The following ZNF385B variants were observed in gnomAD, a reference collection of about 807,000 sequenced individuals.
ZNF385B encodes the protein zinc finger protein 385B.
ZNF385B carries 23 observed loss-of-function variants against 39.2 expected under a neutral mutation model. The observed-to-expected ratio is 0.59, with a 90% CI of 0.42 to 0.83. The LOEUF is 0.83. Among genes scored for constraint, ZNF385B ranks in the 40% least tolerant of loss-of-function variants. The probability of loss-of-function intolerance (pLI) is 0.00; values close to 1 mark genes in which losing one functional copy is unlikely to be tolerated. For synonymous variants in ZNF385B, 205 were observed against 222.6 expected, an observed-to-expected ratio of 0.92 and a Z score of 0.70; for missense variants, 552 against 598.9, an observed-to-expected ratio of 0.92 and a Z score of 0.82.
intron 1 of ZNF385B, among the ~76,000 whole-genome samples, chr2:179,774,549 C>G (rs4893881): frequency 0.39 from 58,439 of 151,648 alleles, 11,531 homozygotes; most frequent in East Asian, 0.59. Flanking sequence ...TTAGTAGAGA[C>G]AGGGTTTCAA....
At chr2:179,652,758 A>G (rs1693309562) in intron 3 of ZNF385B, among the ~76,000 whole-genome samples, 1 of 152,048 alleles carries the variant, frequency 6.6e-6, no homozygotes, top group East Asian at 1.9e-4. Flanking sequence ...TGAATGAATG[A>G]ATGACAACGA....
intron 4 of ZNF385B, among the ~76,000 whole-genome samples, chr2:179,525,663 CGTT>C (rs568531205): frequency 2.0e-3 from 310 of 152,266 alleles, no homozygotes; most frequent in Middle Eastern, 0.01. Flanking sequence ...TTATCAGTAT[CGTT>C]ATTATTATTA....
intron 3 of ZNF385B, among the ~76,000 whole-genome samples, chr2:179,729,593 C>T (rs111325653): frequency 3.9e-5 from 6 of 152,144 alleles, no homozygotes; most frequent in African/African-American, 1.4e-4. Flanking sequence ...CTCATCTTCA[C>T]CAATTTTGTA....
intron 1 of ZNF385B, among the ~76,000 whole-genome samples, chr2:179,826,359 G>A (rs1029112337): frequency 2.0e-5 from 3 of 152,100 alleles, no homozygotes; most frequent in African/African-American, 7.2e-5. Flanking sequence ...ATGCCCTCAC[G>A]GGTTTTCTTC....
At chr2:179,758,024 A>C (rs1316712294) in intron 3 of ZNF385B, among the ~76,000 whole-genome samples, 2 of 152,170 alleles carry the variant, frequency 1.3e-5, no homozygotes, top group Non-Finnish European at 2.9e-5. Flanking sequence ...TCAGTTGGAA[A>C]TGCAGAAATC....
At chr2:179,585,124 A>G (rs1397697681) in intron 3 of ZNF385B, among the ~76,000 whole-genome samples, 2 of 152,240 alleles carry the variant, frequency 1.3e-5, no homozygotes, top group East Asian at 3.8e-4. Context: ...AATCAATGGC[A>G]TGGGATAAAA....
chr2:179,657,718 G>T (rs1399742454), intron 3 of ZNF385B, among the ~76,000 whole-genome samples: 1 of 152,166 alleles, frequency 6.6e-6, no homozygotes, highest in Non-Finnish European at 1.5e-5. Context: ...TAAGACAGTT[G>T]ATAAAATAAT....
chr2:179,669,587 C>T (rs1695643752), intron 3 of ZNF385B, among the ~76,000 whole-genome samples: 1 of 152,110 alleles, frequency 6.6e-6, no homozygotes, highest in Non-Finnish European at 1.5e-5. Flanking sequence ...GATAGTGGCT[C>T]CCAGCTTCAG....
chr2:179,737,141 C>T (rs764619685), intron 3 of ZNF385B, among the ~76,000 whole-genome samples: 111 of 152,104 alleles, frequency 7.3e-4, no homozygotes, highest in Non-Finnish European at 1.1e-3. Flanking sequence ...TGGAACTGGG[C>T]AGAATTTGGT....
chr2:179,458,758 C>A (rs1048462433), intron 6 of ZNF385B, among the ~76,000 whole-genome samples: 11 of 152,116 alleles, frequency 7.2e-5, no homozygotes, highest in Admixed American at 7.2e-4. Flanking sequence ...ACTTAACAAA[C>A]CTTACCCTTG....
At chr2:179,842,518 G>A (rs927238454) in intron 1 of ZNF385B, among the ~76,000 whole-genome samples, 1 of 152,082 alleles carries the variant, frequency 6.6e-6, no homozygotes, top group African/African-American at 2.4e-5. Flanking sequence ...AAGAACTCAG[G>A]GTTGTATGGG....
At chr2:179,744,931 T>C (rs1259491219) in intron 3 of ZNF385B, among the ~76,000 whole-genome samples, 1 of 151,966 alleles carries the variant, frequency 6.6e-6, no homozygotes, top group East Asian at 1.9e-4. Flanking sequence ...TCTGCCCTTA[T>C]CTAGTTGGCT....
chr2:179,700,531 T>C (rs1559105688), intron 3 of ZNF385B, among the ~76,000 whole-genome samples: 1 of 152,204 alleles, frequency 6.6e-6, no homozygotes, highest in Non-Finnish European at 1.5e-5. Context: ...TCAGATTATA[T>C]ATCTTTACCT....
intron 1 of ZNF385B, among the ~76,000 whole-genome samples, chr2:179,796,507 T>C (rs138762999): frequency 2.6e-4 from 39 of 152,214 alleles, no homozygotes; most frequent in African/African-American, 9.1e-4. Flanking sequence ...GGAAAACCAC[T>C]TTGGAACAAT....
intron 3 of ZNF385B, among the ~76,000 whole-genome samples, chr2:179,762,735 T>A (rs143935054): frequency 1.3e-5 from 2 of 152,194 alleles, no homozygotes; most frequent in African/African-American, 4.8e-5. Context: ...TTTCCTCTTC[T>A]TCTATTTTCT....
intron 3 of ZNF385B, among the ~76,000 whole-genome samples, chr2:179,749,317 T>C (rs956543857): frequency 1.9e-4 from 29 of 152,092 alleles, no homozygotes; most frequent in Admixed American, 2.0e-4. Context: ...GTGTTAACAT[T>C]ATGTGTGAGT....
At chr2:179,634,749 C>A (rs1575047524) in intron 3 of ZNF385B, among the ~76,000 whole-genome samples, 1 of 152,146 alleles carries the variant, frequency 6.6e-6, no homozygotes, top group South Asian at 2.1e-4. Context: ...AAGACACATG[C>A]ACACGTATGT....
chr2:179,736,695 C>T (rs374801975), intron 3 of ZNF385B, among the ~76,000 whole-genome samples: 175 of 152,210 alleles, frequency 1.1e-3, no homozygotes, highest in African/African-American at 3.8e-3. Flanking sequence ...CAGGGCCAGG[C>T]GTGTAGGCTC....
In ZNF385B at chr2:179,729,628, T is replaced by C. The variant is rs571553685; in HGVS notation, c.298+39875A>G. Among the ~76,000 whole-genome samples, 6 of 152,338 alleles carry C rather than the reference T, an allele frequency of 3.9e-5. No individual in the cohort carries two copies. In the East Asian group the frequency reaches 9.6e-4, roughly 24 times the overall value. ...AAATATTCCAAGGGTCACATTACTA[T>C]TAGTTTTCAGGAAGGCAGAAGATTA... is the stretch of plus-strand genomic sequence containing the variant. On this transcript the variant is annotated intron_variant, in intron 3 of 9. Coordinates refer to ENST00000410066, the MANE Select transcript of ZNF385B (RefSeq NM_152520.6).
Sources: gnomAD v4.1 joint callset for allele counts (sites outside exome capture counted in the v4.1 genomes callset) on GRCh38, gnomAD v4.1.1 for gene constraint, MANE v1.5 for transcripts, NCBI Gene and HGNC (gene_info 2026-07-23, HGNC 2026-07-21) for gene names.